The following IMMP2L variants were observed in gnomAD, a reference collection of about 807,000 sequenced individuals.
The protein encoded by IMMP2L is inner mitochondrial membrane peptidase subunit 2.
In IMMP2L, 18 loss-of-function variants were observed where a neutral mutation model predicts 19.3. That is an observed-to-expected ratio of 0.93 (90% CI 0.64 to 1.38). The LOEUF (loss-of-function observed/expected upper bound fraction) is 1.38. Among genes scored for constraint, IMMP2L ranks in the 40% most tolerant of loss-of-function variants. The pLI, the probability that IMMP2L is intolerant of heterozygous loss-of-function variation, is 0.00. For missense variants in IMMP2L, 233 were observed against 218.2 expected, an observed-to-expected ratio of 1.07 and a Z score of -0.43; for synonymous variants, 76 against 73.0, an observed-to-expected ratio of 1.04 and a Z score of -0.21.
intron 5 of IMMP2L, among the ~76,000 whole-genome samples, chr7:110,723,844 C>G (rs1795726641): frequency 6.9e-6 from 1 of 145,894 alleles, no homozygotes; most frequent in South Asian, 2.1e-4. Context: ...GTTGACTTAC[C>G]TAGAGGGAAA....
chr7:110,845,851 C>T (rs1484930007), intron 5 of IMMP2L, among the ~76,000 whole-genome samples: 1 of 152,052 alleles, frequency 6.6e-6, no homozygotes, highest in Non-Finnish European at 1.5e-5. Flanking sequence ...GACTAGTGCC[C>T]TTATAAAAGA....
intron 3 of IMMP2L, among the ~76,000 whole-genome samples, chr7:111,258,018 A>G (rs1245398737): frequency 2.6e-5 from 4 of 151,876 alleles, no homozygotes; most frequent in Non-Finnish European, 4.4e-5. Flanking sequence ...CTTATGAGTG[A>G]GAACACATGG....
At chr7:111,038,369 T>C (rs1248078317) in intron 3 of IMMP2L, among the ~76,000 whole-genome samples, 1 of 152,114 alleles carries the variant, frequency 6.6e-6, no homozygotes, top group Non-Finnish European at 1.5e-5. Flanking sequence ...TAGTTACTGT[T>C]GAGGATCCTG....
At chr7:111,238,966 T>G (rs1814668585) in intron 3 of IMMP2L, among the ~76,000 whole-genome samples, 1 of 151,988 alleles carries the variant, frequency 6.6e-6, no homozygotes, top group Non-Finnish European at 1.5e-5. Context: ...TGTAATGTTC[T>G]TGCCATAATT....
chr7:111,031,178 G>A (rs577058363), intron 3 of IMMP2L, among the ~76,000 whole-genome samples: 20 of 151,780 alleles, frequency 1.3e-4, no homozygotes, highest in Middle Eastern at 3.4e-3. Flanking sequence ...GTATTTCTTC[G>A]TTCTGTCAGC....
intron 3 of IMMP2L, among the ~76,000 whole-genome samples, chr7:111,290,079 C>T (rs1820923256): frequency 6.6e-6 from 1 of 152,112 alleles, no homozygotes; most frequent in African/African-American, 2.4e-5. Context: ...TGTCTTCTCC[C>T]CAGTCTGCCA....
intron 3 of IMMP2L, among the ~76,000 whole-genome samples, chr7:110,993,466 A>T (rs1822697783): frequency 6.6e-6 from 1 of 152,072 alleles, no homozygotes; most frequent in Non-Finnish European, 1.5e-5. Context: ...AACACCAATG[A>T]GGATTTCTTC....
chr7:111,446,273 G>C (rs1473508324), intron 3 of IMMP2L, among the ~76,000 whole-genome samples: 1 of 151,038 alleles, frequency 6.6e-6, no homozygotes, highest in Non-Finnish European at 1.5e-5. Context: ...CAAACAAAAA[G>C]ACAGCAGTAA....
chr7:111,372,953 A>G (rs944722011), intron 3 of IMMP2L, among the ~76,000 whole-genome samples: 2 of 152,092 alleles, frequency 1.3e-5, no homozygotes, highest in African/African-American at 4.8e-5. Flanking sequence ...AACATAAAAC[A>G]TTGATGTAAT....
intron 5 of IMMP2L, among the ~76,000 whole-genome samples, chr7:110,735,721 C>G (rs10236821): frequency 8.0e-5 from 9 of 112,384 alleles, no homozygotes; most frequent in African/African-American, 1.2e-4. Flanking sequence ...CACACACACA[C>G]GAAAATTAGG....
chr7:110,948,205 T>C (rs1039996684), intron 4 of IMMP2L, among the ~76,000 whole-genome samples: 8 of 152,198 alleles, frequency 5.3e-5, no homozygotes, highest in African/African-American at 1.9e-4. Context: ...AAATCTATCA[T>C]TAATATTTCT....
chr7:110,768,308 GA>G (rs56248524), intron 5 of IMMP2L, among the ~76,000 whole-genome samples: 36,455 of 120,744 alleles, frequency 0.3, 5,224 homozygotes, highest in African/African-American at 0.46. Context: ...GAAAAGAAAG[GA>G]AAAAAAAAAA....
intron 3 of IMMP2L, among the ~76,000 whole-genome samples, chr7:110,966,428 T>A (rs2129555955): frequency 6.6e-6 from 1 of 152,140 alleles, no homozygotes; most frequent in South Asian, 2.1e-4. Flanking sequence ...TTATCAAGTT[T>A]ACTGCCTAAT....
intron 3 of IMMP2L, among the ~76,000 whole-genome samples, chr7:111,237,918 T>A (rs1208818585): frequency 2.6e-5 from 4 of 152,042 alleles, no homozygotes; most frequent in African/African-American, 9.7e-5. Flanking sequence ...ATGGTATCTA[T>A]CCAATAAAGT....
chr7:110,972,739 T>C (rs1820278384), intron 3 of IMMP2L, among the ~76,000 whole-genome samples: 1 of 152,046 alleles, frequency 6.6e-6, no homozygotes, highest in South Asian at 2.1e-4. Context: ...TACAGAGCAG[T>C]GAGTAGACAG....
rs183335544 is a variant in IMMP2L at position 110,779,864 on chromosome 7, G to A, written c.408+106729C>T. On this transcript the variant is annotated intron_variant, in intron 5 of 5. Coordinates refer to ENST00000405709, the MANE Select transcript of IMMP2L (RefSeq NM_032549.4). ...ATAGTAAGGAAAATACAGGAGTAAA[G>A]TTCCTAGGGAACTGCCTAACTAGGA... is the stretch of plus-strand genomic sequence containing the variant. Among the ~76,000 whole-genome samples the A allele has an allele frequency of 2.0e-4, 30 of 151,876 alleles. No homozygotes were observed. The East Asian group carries it at 3.9e-3, about 20-fold the overall frequency.
chr7:111,420,273 A>G (rs1367760033), intron 3 of IMMP2L, among the ~76,000 whole-genome samples: 1 of 151,872 alleles, frequency 6.6e-6, no homozygotes, highest in African/African-American at 2.4e-5. Flanking sequence ...CAAGTTTTCT[A>G]AGTTGTGACT....
chr7:111,464,261 G>A (rs944002285), intron 3 of IMMP2L, among the ~76,000 whole-genome samples: 39 of 152,308 alleles, frequency 2.6e-4, no homozygotes, highest in African/African-American at 8.9e-4. Flanking sequence ...ATCGTTTGAA[G>A]TCAGGAATTC....
chr7:111,014,494 A>G (rs1825299725), intron 3 of IMMP2L, among the ~76,000 whole-genome samples: 1 of 152,188 alleles, frequency 6.6e-6, no homozygotes. Flanking sequence ...TGTTTTTATC[A>G]TAAGTTGACT....
Sources: allele counts gnomAD v4.1 joint callset (sites outside exome capture counted in the v4.1 genomes callset), GRCh38; gene constraint gnomAD v4.1.1; transcripts MANE v1.5; gene names NCBI Gene and HGNC (gene_info 2026-07-23, HGNC 2026-07-21).